DLG2: variants seen among roughly 807,000 people sequenced by gnomAD.
DLG2 encodes disks large homolog 2.
DLG2 carries 45 observed loss-of-function variants against 132.5 expected under a neutral mutation model. The ratio of observed to expected loss-of-function variants is 0.34; its 90% confidence interval spans 0.27 to 0.44. The LOEUF (loss-of-function observed/expected upper bound fraction) is 0.44, where lower values mean the gene tolerates loss of function less well. Among genes scored for constraint, DLG2 ranks in the 20% least tolerant of loss-of-function variants. The pLI, the probability that DLG2 is intolerant of heterozygous loss-of-function variation, is 1.00. For missense variants in DLG2, 1,045 were observed against 1,196.9 expected, an observed-to-expected ratio of 0.87 and a Z score of 1.87; for synonymous variants, 424 against 419.6, an observed-to-expected ratio of 1.01 and a Z score of -0.13.
intron 11 of DLG2, among the ~76,000 whole-genome samples, chr11:84,051,075 T>C (rs1034595021): frequency 1.3e-5 from 2 of 151,914 alleles, no homozygotes; most frequent in Non-Finnish European, 2.9e-5. Flanking sequence ...CACAGTGAGA[T>C]ACCATCTCAC....
At chr11:83,968,276 G>A (rs1186047132) in intron 12 of DLG2, among the ~76,000 whole-genome samples, 2 of 152,158 alleles carry the variant, frequency 1.3e-5, no homozygotes, top group Admixed American at 6.5e-5. Context: ...TGGTGATGTA[G>A]CCCAGGTTAG....
chr11:84,685,860 G>A (rs1404544694), intron 6 of DLG2, among the ~76,000 whole-genome samples: 3 of 151,950 alleles, frequency 2.0e-5, no homozygotes, highest in African/African-American at 7.3e-5. Context: ...CTAATTTTTT[G>A]TATTTTTTAG....
chr11:83,776,370 G>C (rs1261652439), intron 18 of DLG2, among the ~76,000 whole-genome samples: 1 of 151,978 alleles, frequency 6.6e-6, no homozygotes, highest in African/African-American at 2.4e-5. Flanking sequence ...CTGCAAGCTG[G>C]ATTGCTGTGA....
chr11:83,808,998 T>A (rs2046612022), intron 17 of DLG2, among the ~76,000 whole-genome samples: 1 of 152,188 alleles, frequency 6.6e-6, no homozygotes, highest in East Asian at 1.9e-4. Flanking sequence ...CTGCAGCTGG[T>A]CTCACTTGCT....
intron 18 of DLG2, among the ~76,000 whole-genome samples, chr11:83,732,136 G>A (rs1945309): frequency 0.24 from 36,124 of 152,034 alleles, 4,675 homozygotes; most frequent in African/African-American, 0.31. Context: ...TGTTAAAGAC[G>A]TGTTCATTTA....
intron 21 of DLG2, among the ~76,000 whole-genome samples, chr11:83,520,476 A>T (rs1192184694): frequency 1.3e-5 from 2 of 152,224 alleles, no homozygotes; most frequent in Non-Finnish European, 2.9e-5. Flanking sequence ...ATCCTTAGTC[A>T]TGATATACCT....
chr11:84,945,336 T>A (rs931198365), intron 6 of DLG2, among the ~76,000 whole-genome samples: 1 of 152,212 alleles, frequency 6.6e-6, no homozygotes, highest in Admixed American at 6.5e-5. Context: ...GTGGTGTTCT[T>A]GAGTGAGATC....
At chr11:84,139,809 A>G (rs1217705438) in intron 9 of DLG2, among the ~76,000 whole-genome samples, 1 of 152,204 alleles carries the variant, frequency 6.6e-6, no homozygotes, top group Non-Finnish European at 1.5e-5. Context: ...AACCAGTTTA[A>G]GAAAACGCTT....
chr11:83,483,895 G>T lies in DLG2; in HGVS notation c.2293+234C>A, dbSNP rs192121314. ...CTGGTCAAAGATAAATGTTGGTTGGGTGCAAGTCCCAGTTTTGGCAAGTCT... is the reference window on the plus strand; with the variant it reads ...CTGGTCAAAGATAAATGTTGGTTGGTTGCAAGTCCCAGTTTTGGCAAGTCT... On this transcript the variant is annotated intron_variant, in intron 22 of 27. Transcript: ENST00000376104. 5.9e-5 allele frequency among the ~76,000 whole-genome samples: 9 copies of T among 152,228 alleles called. No homozygotes were observed. The East Asian group carries it at 1.7e-3, about 29-fold the overall frequency.
chr11:85,467,490 A>G (rs1009617275), intron 3 of DLG2, among the ~76,000 whole-genome samples: 1 of 152,140 alleles, frequency 6.6e-6, no homozygotes, highest in Non-Finnish European at 1.5e-5. Flanking sequence ...TCCCATCAAT[A>G]CCTAATTTAT....
At chr11:84,634,186 A>G (rs888094644) in intron 6 of DLG2, among the ~76,000 whole-genome samples, 13 of 152,238 alleles carry the variant, frequency 8.5e-5, no homozygotes, top group African/African-American at 2.4e-4. Flanking sequence ...ATTGTCTTCA[A>G]TCAGCCCCTT....
intron 18 of DLG2, among the ~76,000 whole-genome samples, chr11:83,698,590 T>C (rs866424731): frequency 2.0e-5 from 3 of 152,344 alleles, no homozygotes; most frequent in Middle Eastern, 3.4e-3. Flanking sequence ...CTGTAAGCTC[T>C]GGCAAAACAA....
chr11:84,914,018 G>A (rs1298687452), intron 6 of DLG2, among the ~76,000 whole-genome samples: 1 of 152,088 alleles, frequency 6.6e-6, no homozygotes, highest in Non-Finnish European at 1.5e-5. Flanking sequence ...CTCTTCCAAT[G>A]TAAGTACTCC....
intron 11 of DLG2, among the ~76,000 whole-genome samples, chr11:83,991,169 C>T (rs2093690762): frequency 6.6e-6 from 1 of 152,148 alleles, no homozygotes; most frequent in Non-Finnish European, 1.5e-5. Context: ...AAAGCCAAAG[C>T]ATTATCTTCT....
intron 15 of DLG2, 51 bp downstream of exon 15, chr11:83,930,277 G>A: frequency 6.3e-7 from 1 of 1,599,906 alleles, no homozygotes; most frequent in Non-Finnish European, 8.5e-7. Context: ...ATTTATCCTT[G>A]TGGAAGCACA....
intron 9 of DLG2, among the ~76,000 whole-genome samples, chr11:84,117,198 C>A (rs1008184765): frequency 6.6e-6 from 1 of 152,164 alleles, no homozygotes; most frequent in African/African-American, 2.4e-5. Context: ...TTGGGTTATA[C>A]CTTTCCTAAA....
At chr11:84,682,621 C>T (rs1267301451) in intron 6 of DLG2, among the ~76,000 whole-genome samples, 4 of 152,146 alleles carry the variant, frequency 2.6e-5, no homozygotes, top group Admixed American at 2.0e-4. Flanking sequence ...AGTTCTGCCA[C>T]TGGAGGAAAA....
chr11:84,828,183 C>G (rs2078582976), intron 6 of DLG2, among the ~76,000 whole-genome samples: 1 of 151,696 alleles, frequency 6.6e-6, no homozygotes, highest in Non-Finnish European at 1.5e-5. Flanking sequence ...AGAAAGAAAG[C>G]AGGGAAGTGT....
In DLG2 at chr11:83,456,486, T is replaced by G. The variant is rs1049509710; in HGVS notation, c.*3332A>C. ...CAATACAGGGATGTACGGGAGAAGA[T>G]GATCAGAGATTTGAGGAGAGGAGAA... is the stretch of plus-strand genomic sequence containing the variant. On this transcript the variant is annotated 3_prime_UTR_variant, in exon 28 of 28. Transcript: ENST00000376104. 1 of 152,392 alleles carries G rather than the reference T, an allele frequency of 6.6e-6. No individual in the cohort carries two copies. Among genetic ancestry groups the G allele is most frequent in the Non-Finnish European group, 1.5e-5 (1 of 68,140 alleles). The allele number at this position is 152,392 out of a possible 1,614,324, so 9.4% of individuals were successfully genotyped here.
Sources: allele counts gnomAD v4.1 joint callset (sites outside exome capture counted in the v4.1 genomes callset), GRCh38; gene constraint gnomAD v4.1.1; transcripts MANE v1.5; gene names NCBI Gene and HGNC (gene_info 2026-07-23, HGNC 2026-07-21).